The following MTMR7 variants were observed in gnomAD, a reference collection of about 807,000 sequenced individuals.
MTMR7 encodes phosphatidylinositol-3-phosphate phosphatase MTMR7.
Under a neutral mutation model 81.2 loss-of-function variants are expected in MTMR7, and 76 were observed. The observed-to-expected ratio is 0.94, with a 90% CI of 0.78 to 1.13. The LOEUF is 1.13. Ranked by LOEUF, MTMR7 falls within the 50% of genes most tolerant of loss-of-function variation. The pLI is 0.00. For synonymous variants in MTMR7, 372 were observed against 289.8 expected (o/e 1.28, Z -2.88); for missense variants, 1,044 against 820.0 (o/e 1.27, Z -3.34).
chr8:17,375,165 G>C (rs147676939), intron 1 of MTMR7, among the ~76,000 whole-genome samples: 1 of 152,288 alleles, frequency 6.6e-6, no homozygotes, highest in African/African-American at 2.4e-5. Flanking sequence ...CTCCAAGGGA[G>C]AGCCAGGGGA....
intron 10 of MTMR7, among the ~76,000 whole-genome samples, chr8:17,306,748 G>A (rs1017234735): frequency 7.2e-5 from 11 of 152,218 alleles, no homozygotes; most frequent in Non-Finnish European, 1.0e-4. Context: ...CCCAAGAGTG[G>A]GAACATTGGA....
At chr8:17,333,139 G>A (rs1450972628) in intron 6 of MTMR7, among the ~76,000 whole-genome samples, 1 of 152,106 alleles carries the variant, frequency 6.6e-6, no homozygotes, top group Admixed American at 6.5e-5. Context: ...TGTGACATCA[G>A]CTGGGCCACA....
intron 1 of MTMR7, among the ~76,000 whole-genome samples, chr8:17,398,843 GT>G (rs1821336620): frequency 6.6e-6 from 1 of 152,150 alleles, no homozygotes; most frequent in Non-Finnish European, 1.5e-5. Flanking sequence ...AAAGTGTAGA[GT>G]TTTTATTAGT....
intron 1 of MTMR7, among the ~76,000 whole-genome samples, chr8:17,401,992 T>C (rs944899721): frequency 6.6e-6 from 1 of 152,236 alleles, no homozygotes; most frequent in Non-Finnish European, 1.5e-5. Context: ...TTTTAAATCA[T>C]GTATACTTTA....
chr8:17,345,898 A>G (rs1819538382), intron 5 of MTMR7: 1 of 152,246 alleles, frequency 6.6e-6, no homozygotes, highest in South Asian at 2.1e-4. Context: ...AAAATGTAGT[A>G]TCCTTATTCA....
At chr8:17,304,616 C>A in intron 11 of MTMR7, 97 bp from the exon 12 acceptor site, 1 of 1,324,984 alleles carries the variant, frequency 7.5e-7, no homozygotes, top group East Asian at 2.4e-5. Context: ...ATAATTGTTA[C>A]CTGAAAACCA....
intron 1 of MTMR7, among the ~76,000 whole-genome samples, chr8:17,390,851 CCT>C (rs1183660902): frequency 2.0e-5 from 3 of 152,272 alleles, no homozygotes; most frequent in African/African-American, 7.2e-5. Context: ...GGAAACCACC[CCT>C]GTGATCCAGT....
rs140452256 is a variant in MTMR7 at position 17,371,312 on chromosome 8, G to A, written c.148-113C>T. 6 of 1,225,174 alleles carry A rather than the reference G, an allele frequency of 4.9e-6. No homozygotes were observed. In the African/African-American group the frequency reaches 6.1e-5, roughly 12 times the overall value. The allele number at this position is 1,225,174 out of a possible 1,614,324, so 75.9% of individuals were successfully genotyped here. ...GACAAGAAACGCTCCCCAACCTCCA[G>A]CTAGCTCAACCCTTGCGTTCAGATG... On this transcript the variant is annotated intron_variant, in intron 2 of 13. Coordinates refer to ENST00000180173, the MANE Select transcript of MTMR7 (RefSeq NM_004686.5).
At chr8:17,303,673 G>A (rs1036793920) in intron 12 of MTMR7, among the ~76,000 whole-genome samples, 10 of 150,130 alleles carry the variant, frequency 6.7e-5, no homozygotes, top group African/African-American at 1.2e-4. Flanking sequence ...GCAATGGCAC[G>A]ATCTCGGCTC....
At chr8:17,357,302 T>G (rs1819924866) in intron 4 of MTMR7, among the ~76,000 whole-genome samples, 1 of 152,228 alleles carries the variant, frequency 6.6e-6, no homozygotes, top group African/African-American at 2.4e-5. Flanking sequence ...ATTTATCAAG[T>G]TTTTAGAACA....
intron 9 of MTMR7, among the ~76,000 whole-genome samples, chr8:17,310,660 C>A (rs1376532310): frequency 1.3e-5 from 2 of 152,168 alleles, no homozygotes; most frequent in African/African-American, 4.8e-5. Context: ...AGTTCTCAGA[C>A]ACTTCCAAAA....
At chr8:17,315,926 T>C (rs1015299145) in intron 7 of MTMR7, among the ~76,000 whole-genome samples, 1 of 152,162 alleles carries the variant, frequency 6.6e-6, no homozygotes, top group Non-Finnish European at 1.5e-5. Context: ...GTTGAGAGGA[T>C]CACTTCAACC....
intron 3 of MTMR7, among the ~76,000 whole-genome samples, chr8:17,361,670 G>T (rs1820065318): frequency 6.6e-6 from 1 of 151,992 alleles, no homozygotes; most frequent in African/African-American, 2.4e-5. Flanking sequence ...TTGGATTTGG[G>T]ATGGCCTCTC....
chr8:17,369,978 A>G (rs1431585690), intron 3 of MTMR7, among the ~76,000 whole-genome samples: 1 of 151,690 alleles, frequency 6.6e-6, no homozygotes, highest in Non-Finnish European at 1.5e-5. Context: ...CAACACCACA[A>G]CTCACACAAG....
intron 3 of MTMR7, among the ~76,000 whole-genome samples, chr8:17,369,111 T>A (rs1820327675): frequency 6.6e-6 from 1 of 152,202 alleles, no homozygotes; most frequent in Non-Finnish European, 1.5e-5. Context: ...TCAGAGCACA[T>A]TTATCGCCTA....
chr8:17,401,663 G>A (rs972161305), intron 1 of MTMR7, among the ~76,000 whole-genome samples: 5 of 152,104 alleles, frequency 3.3e-5, no homozygotes, highest in Admixed American at 3.3e-4. Flanking sequence ...AAAGTAGAGT[G>A]CTGAGGATTT....
At chr8:17,319,814 T>C (rs996790076) in intron 7 of MTMR7, among the ~76,000 whole-genome samples, 2 of 151,886 alleles carry the variant, frequency 1.3e-5, no homozygotes, top group African/African-American at 4.8e-5. Context: ...CTCAGGTTGG[T>C]TTTTTTTCAT....
At chr8:17,384,054 T>G (rs537606224) in intron 1 of MTMR7, among the ~76,000 whole-genome samples, 2 of 152,178 alleles carry the variant, frequency 1.3e-5, no homozygotes, top group Non-Finnish European at 2.9e-5. Context: ...AATGATCCCA[T>G]CTGTAACTAA....
chr8:17,331,107 T>C (rs1394946383), intron 7 of MTMR7, 43 bp downstream of exon 7: 1 of 1,584,380 alleles, frequency 6.3e-7, no homozygotes, highest in Non-Finnish European at 8.5e-7. Flanking sequence ...GGCATCAAAA[T>C]ACTTAACTGC....
Sources: allele counts gnomAD v4.1 joint callset (sites outside exome capture counted in the v4.1 genomes callset), GRCh38; gene constraint gnomAD v4.1.1; transcripts MANE v1.5; gene names NCBI Gene and HGNC (gene_info 2026-07-23, HGNC 2026-07-21).